AP3B1: variants seen among roughly 807,000 people sequenced by gnomAD.
AP3B1 encodes adaptor related protein complex 3 subunit beta 1.
AP3B1 carries 61 observed loss-of-function variants against 132.5 expected under a neutral mutation model. The observed-to-expected ratio is 0.46, with a 90% CI of 0.37 to 0.57. AP3B1 has a LOEUF of 0.57. Among genes scored for constraint, AP3B1 ranks in the 20% least tolerant of loss-of-function variants. The pLI, the probability that AP3B1 is intolerant of heterozygous loss-of-function variation, is 0.00. For synonymous variants in AP3B1, 388 were observed against 438.3 expected (o/e 0.89, Z 1.43); for missense variants, 1,120 against 1,289.4 (o/e 0.87, Z 2.01).
intron 13 of AP3B1, among the ~76,000 whole-genome samples, chr5:78,161,065 T>C (rs1743368286): frequency 6.6e-6 from 1 of 151,980 alleles, no homozygotes; most frequent in African/African-American, 2.4e-5. Flanking sequence ...AATATCAAAA[T>C]TTAAAGTAGT....
chr5:78,274,921 T>TA (rs1266196234), intron 1 of AP3B1, among the ~76,000 whole-genome samples: 24 of 149,444 alleles, frequency 1.6e-4, no homozygotes, highest in African/African-American at 5.6e-4. Context: ...TATCTTTTTT[T>TA]TAAAAAAAAA....
At chr5:78,282,952 T>C (rs1347149260) in intron 1 of AP3B1, among the ~76,000 whole-genome samples, 1 of 151,848 alleles carries the variant, frequency 6.6e-6, no homozygotes, top group Non-Finnish European at 1.5e-5. Flanking sequence ...GAGTAAGCCA[T>C]GATAGGGCCA....
chr5:78,238,021 T>C (rs561022871), intron 3 of AP3B1, among the ~76,000 whole-genome samples: 3 of 152,246 alleles, frequency 2.0e-5, no homozygotes, highest in East Asian at 1.9e-4. Flanking sequence ...CTAGGATATA[T>C]GACATAGCCC....
At chr5:78,285,350 C>A (rs12656367) in intron 1 of AP3B1, among the ~76,000 whole-genome samples, 44,175 of 151,904 alleles carry the variant, frequency 0.29, 6,732 homozygotes, top group Middle Eastern at 0.4. Flanking sequence ...CTGCTTGTCA[C>A]GGTCACCAAA....
chr5:78,241,283 C>T (rs569622096), intron 2 of AP3B1, among the ~76,000 whole-genome samples: 4 of 151,724 alleles, frequency 2.6e-5, no homozygotes, highest in African/African-American at 4.8e-5. Flanking sequence ...ACGGCAGCTT[C>T]GACCTCCCAG....
At chr5:78,061,038 C>T (rs1001989869) in intron 22 of AP3B1, among the ~76,000 whole-genome samples, 5 of 151,898 alleles carry the variant, frequency 3.3e-5, no homozygotes, top group East Asian at 1.9e-4. Context: ...TTGGTTGATA[C>T]CTTTGAAAAA....
intron 13 of AP3B1, among the ~76,000 whole-genome samples, chr5:78,160,766 G>C (rs1391840662): frequency 6.6e-6 from 1 of 151,728 alleles, no homozygotes; most frequent in Non-Finnish European, 1.5e-5. Context: ...CTATTGTCAG[G>C]GTGGCTATGT....
chr5:78,258,919 T>G (rs1747960750), intron 2 of AP3B1, among the ~76,000 whole-genome samples: 1 of 152,086 alleles, frequency 6.6e-6, no homozygotes, highest in Non-Finnish European at 1.5e-5. Context: ...AAGATCTTGT[T>G]AAGTGAAATA....
intron 12 of AP3B1, among the ~76,000 whole-genome samples, chr5:78,164,275 A>T (rs867266552): frequency 6.6e-5 from 10 of 152,180 alleles, no homozygotes; most frequent in African/African-American, 2.4e-4. Flanking sequence ...GACAGTGATA[A>T]AAATGAATAC....
intron 11 of AP3B1, among the ~76,000 whole-genome samples, chr5:78,168,890 TGACA>T (rs1743779958): frequency 3.4e-5 from 5 of 148,154 alleles, no homozygotes; most frequent in African/African-American, 1.3e-4. Flanking sequence ...TATATGACCT[TGACA>T]TTTTCGCTAA....
intron 20 of AP3B1, 55 bp from the exon 21 acceptor site, chr5:78,101,080 A>G (rs1378184789): frequency 1.8e-6 from 2 of 1,113,536 alleles, no homozygotes; most frequent in Non-Finnish European, 2.7e-6. Flanking sequence ...AAATCTGTGG[A>G]GTAGTCCTTA....
chr5:78,155,269 CT>C (rs1743098878), intron 14 of AP3B1, among the ~76,000 whole-genome samples: 1 of 152,190 alleles, frequency 6.6e-6, no homozygotes, highest in African/African-American at 2.4e-5. Flanking sequence ...CTCCCTCCCC[CT>C]AGTGCAGAGA....
intron 7 of AP3B1, among the ~76,000 whole-genome samples, chr5:78,210,874 A>T (rs1490044746): frequency 6.6e-6 from 1 of 152,102 alleles, no homozygotes; most frequent in African/African-American, 2.4e-5. Flanking sequence ...AAGCAACTTT[A>T]GTCTTAGAGA....
At position 78,034,410 on chromosome 5, in the gene AP3B1, T is replaced by A; in HGVS notation, c.2845A>T (p.Met949Leu). The change falls in exon 24 of 27, where the codon ATG becomes TTG. Residue 949 changes from methionine to leucine, a missense_variant. This residue lies in a region of AP3B1 where 906 missense variants were observed against 997.1 expected (regional missense o/e 0.91). Transcript: ENST00000255194. The stretch of plus-strand genomic sequence containing the variant: ...GTAGAATCACAAAAGTCAATACCCA[T>A]TGAAACTGTAATGGATCCCTCAGGC... The part of the protein sequence containing the change: ...LEPEGSITVS[M>L]GIDFCDSTQT... 1 of 1,612,112 alleles carries A rather than the reference T, an allele frequency of 6.2e-7. No homozygotes were observed. The highest frequency in any genetic ancestry group is 8.5e-7 in the Non-Finnish European group (1 of 1,178,486).
chr5:78,000,657 CTA>C (rs1220383417), downstream of AP3B1: 1 of 152,100 alleles, frequency 6.6e-6, no homozygotes, highest in Admixed American at 6.5e-5. Context: ...CTGAAATATA[CTA>C]TGAGAGCCAT....
At chr5:78,274,931 A>G (rs529666234) in intron 1 of AP3B1, among the ~76,000 whole-genome samples, 9 of 152,046 alleles carry the variant, frequency 5.9e-5, no homozygotes, top group African/African-American at 2.2e-4. Context: ...TTAAAAAAAA[A>G]GGCATCCAGA....
chr5:78,205,146 AG>A (rs1362247736), intron 7 of AP3B1, among the ~76,000 whole-genome samples: 25 of 152,300 alleles, frequency 1.6e-4, no homozygotes, highest in Non-Finnish European at 2.5e-4. Flanking sequence ...CAGTAATAAA[AG>A]TTCACTAACA....
intron 19 of AP3B1, among the ~76,000 whole-genome samples, chr5:78,111,921 G>A (rs1301476385): frequency 6.6e-6 from 1 of 152,024 alleles, no homozygotes; most frequent in Non-Finnish European, 1.5e-5. Flanking sequence ...TAACAAGAGG[G>A]GCAGAACTAG....
At chr5:78,193,780 T>TTTTTTTTTTAG (rs1744967472) in intron 7 of AP3B1, among the ~76,000 whole-genome samples, 1 of 124,424 alleles carries the variant, frequency 8.0e-6, no homozygotes, top group African/African-American at 2.7e-5. Context: ...ATTTTTTTTT[T>TTTTTTTTTTAG]AGACAGAGTC....
Sources: gnomAD v4.1 joint callset for allele counts (sites outside exome capture counted in the v4.1 genomes callset) on GRCh38, gnomAD v4.1.1 for gene constraint, gnomAD v4.1.1 regional missense constraint, MANE v1.5 for transcripts, NCBI Gene and HGNC (gene_info 2026-07-23, HGNC 2026-07-21) for gene names.